Variants in ACIN1 observed in about 807,000 individuals in gnomAD.
ACIN1 encodes apoptotic chromatin condensation inducer 1.
Under a neutral mutation model 146.6 loss-of-function variants are expected in ACIN1, and 16 were observed. That is an observed-to-expected ratio of 0.11 (90% CI 0.07 to 0.17). The LOEUF is 0.17. Ranked by LOEUF, ACIN1 falls within the 10% of genes least tolerant of loss-of-function variation. The probability of loss-of-function intolerance (pLI) is 1.00; values close to 1 mark genes in which losing one functional copy is unlikely to be tolerated. For missense variants in ACIN1, 1,357 were observed against 1,609.3 expected, an observed-to-expected ratio of 0.84 and a Z score of 2.68; for synonymous variants, 569 against 582.7, an observed-to-expected ratio of 0.98 and a Z score of 0.34.
intron 4 of ACIN1, among the ~76,000 whole-genome samples, chr14:23,089,515 T>C (rs1050442458): frequency 6.6e-6 from 1 of 152,238 alleles, no homozygotes; most frequent in African/African-American, 2.4e-5. Context: ...ATGTCCTCAC[T>C]AGACTAAGTT....
intron 8 of ACIN1, chr14:23,071,105 T>C (rs2047632599): frequency 2.6e-6 from 4 of 1,550,852 alleles, no homozygotes; most frequent in South Asian, 1.2e-5. Flanking sequence ...AAGGCATACA[T>C]GGAAATGTGA....
intron 14 of ACIN1, 40 bp downstream of exon 14, chr14:23,062,889 A>G (rs1476840367): frequency 1.9e-6 from 3 of 1,569,802 alleles, no homozygotes; most frequent in Non-Finnish European, 1.7e-6. Flanking sequence ...CTCAAACTTA[A>G]CCACTAAGCA....
chr14:23,063,149 C>T lies in ACIN1; in HGVS notation c.2738-75G>A, dbSNP rs114171032. 1,825 of 1,460,194 alleles carry T rather than the reference C, an allele frequency of 1.2e-3. 15 individuals are homozygous for T. The African/African-American group carries it at 0.022, about 18-fold the overall frequency. The allele number at this position is 1,460,194 out of a possible 1,614,324, so 90.5% of individuals were successfully genotyped here. A position where few individuals can be genotyped will look rare whatever the true frequency, so the allele number is the denominator to read the frequency against. On this transcript the variant is annotated intron_variant, in intron 13 of 18. Transcript: ENST00000605057. ...CTTTTCACCCTCAATGTAACTCTCA[C>T]GGTTCCCTTTCTTTTATACCAAGCA... is the stretch of plus-strand genomic sequence containing the variant.
At chr14:23,064,728 C>A in intron 10 of ACIN1, 1 of 456,672 alleles carries the variant, frequency 2.2e-6, no homozygotes, top group South Asian at 2.7e-5. Flanking sequence ...GAAACCCCAT[C>A]TCTACTAAAA....
chr14:23,081,663 C>A, intron 5 of ACIN1, 85 bp downstream of exon 5: 2 of 1,177,752 alleles, frequency 1.7e-6, no homozygotes, highest in Non-Finnish European at 2.4e-6. Flanking sequence ...AATGTAGAGA[C>A]ATACAAACTC....
At position 23,079,036 on chromosome 14, in the gene ACIN1, A is replaced by C. The variant is rs749152547; in HGVS notation, c.1791T>G (p.Ser597=). 1 of 1,612,478 alleles carries C rather than the reference A, an allele frequency of 6.2e-7. No homozygotes were observed. Among genetic ancestry groups the C allele is most frequent in the East Asian group, 2.2e-5 (1 of 44,844 alleles). The part of the protein sequence containing the change: ...SRSASSNSRK[S]LSPGVSRDSS... ...TGTCCCTGGAGACTCCAGGGCTCAG[A>C]GACTAAAACAAAATGAAACACATAA... Residue 597 remains serine (S), a splice_region_variant and synonymous_variant, in exon 7 of 19, where the codon TCT becomes TCG. Transcript: ENST00000605057.
At chr14:23,084,079 TG>T (rs1013113126) in intron 4 of ACIN1, among the ~76,000 whole-genome samples, 1 of 151,922 alleles carries the variant, frequency 6.6e-6, no homozygotes, top group Non-Finnish European at 1.5e-5. Flanking sequence ...CCTGAGTAAC[TG>T]GGACTACAGG....
At chr14:23,087,911 T>G (rs1020562728) in intron 4 of ACIN1, among the ~76,000 whole-genome samples, 2 of 152,210 alleles carry the variant, frequency 1.3e-5, no homozygotes, top group African/African-American at 4.8e-5. Flanking sequence ...TCTTCTTGTA[T>G]CCTCTCTGCC....
Position 23,061,067 on chromosome 14 carries a change from CGAAG to C in ACIN1, c.3525+13_3525+16del. 6.2e-7 allele frequency: 1 copy of C among 1,612,100 alleles called. No individual in the cohort carries two copies. ...CTCAGTGCCACTAGGGAGCAGGGCA[CGAAG>C]AAGAGCACTCACCTGGCTGTCAGTC... On this transcript the variant is annotated intron_variant, in intron 18 of 18. Transcript: ENST00000605057.
rs1321599693 is a variant in ACIN1 at position 23,087,311 on chromosome 14, T to C, written c.436+2671A>G. 2.6e-5 allele frequency among the ~76,000 whole-genome samples: 4 copies of C among 152,198 alleles called. No homozygotes were observed. In the East Asian group the frequency reaches 5.8e-4, roughly 22 times the overall value. ...ACTAAATTTTGTACAACATCTATAA[T>C]GGGATTCTTATCTAAGCCAAGATCA... On this transcript the variant is annotated intron_variant, in intron 4 of 18. Coordinates refer to ENST00000605057, the MANE Select transcript of ACIN1 (RefSeq NM_001386863.1).
Position 23,067,865 on chromosome 14 carries a change from TG to T in ACIN1, c.2265+1610del. 1 of 985,802 alleles carries T rather than the reference TG, an allele frequency of 1.0e-6. No individual in the cohort carries two copies. Among genetic ancestry groups the T allele is most frequent in the South Asian group, 4.7e-5 (1 of 21,276 alleles). 61.1% of individuals were successfully genotyped at this position (985,802 alleles called of 1,614,324 possible). ...CATGGAGCCTCTGATGAAGGTAGCC[TG>T]GGGGTAGGTGAATACCCCAGGACCT... On this transcript the variant is annotated intron_variant, in intron 9 of 18. Transcript: ENST00000605057. The surrounding 1 kb of genome is among the most constrained non-coding windows in gnomAD (Gnocchi z 4.6).
At chr14:23,071,527 G>C (rs538181171) in intron 8 of ACIN1, 6 of 1,551,286 alleles carry the variant, frequency 3.9e-6, no homozygotes, top group South Asian at 1.2e-5. Flanking sequence ...GAGCGGCAGC[G>C]ATCAGCCGGA....
chr14:23,067,511 G>GGGGGGC lies in ACIN1; in HGVS notation c.2266-1504_2266-1503insGCCCCC. ...CCAGGGGCGCAGGGGGGGCGGGAGG[G>GGGGGGC]AAACGTGTGGGGGGACGCTGCCCAG... On this transcript the variant is annotated intron_variant, in intron 9 of 18. Transcript: ENST00000605057. The surrounding 1 kb of genome is among the most constrained non-coding windows in gnomAD (Gnocchi z 4.6). 1 of 221,752 alleles carries GGGGGGC rather than the reference G, an allele frequency of 4.5e-6. No homozygotes were observed. Among genetic ancestry groups the GGGGGGC allele is most frequent in the Non-Finnish European group, 7.3e-6 (1 of 137,288 alleles). The allele number at this position is 221,752 out of a possible 1,614,324, so 13.7% of individuals were successfully genotyped here.
chr14:23,063,916 C>T lies in ACIN1; in HGVS notation c.2595+189G>A, dbSNP rs1219232678. Among the ~76,000 whole-genome samples the T allele has an allele frequency of 2.0e-5, 3 of 152,164 alleles. No homozygotes were observed. In the East Asian group the frequency reaches 5.8e-4, roughly 29 times the overall value. ...GTGAATGAACTCGTGTGGTTGTGTT[C>T]CAATCAAACTTTATTTGTAACAGGT... On this transcript the variant is annotated intron_variant, in intron 12 of 18. Transcript: ENST00000605057.
intron 4 of ACIN1, among the ~76,000 whole-genome samples, chr14:23,087,417 T>C (rs2048115581): frequency 2.0e-5 from 3 of 151,858 alleles, no homozygotes; most frequent in Admixed American, 1.3e-4. Context: ...TTTACCACAT[T>C]CATATTTTCC....
At position 23,058,979 on chromosome 14, in the gene ACIN1, GGT is replaced by G. The variant is rs2047180061; in HGVS notation, c.*167_*168del. 1 of 635,934 alleles carries G rather than the reference GGT, an allele frequency of 1.6e-6. No homozygotes were observed. Among genetic ancestry groups the G allele is most frequent in the African/African-American group, 1.8e-5 (1 of 54,492 alleles). The allele number at this position is 635,934 out of a possible 1,614,324, so 39.4% of individuals were successfully genotyped here. The stretch of plus-strand genomic sequence containing the variant: ...TAAGTCCCAAGAGATAGGTTAAGGG[GGT>G]GTGTTTGGGGGGAAAAGGATGGCCA... On this transcript the variant is annotated 3_prime_UTR_variant, in exon 19 of 19. Transcript: ENST00000605057.
intron 7 of ACIN1, among the ~76,000 whole-genome samples, 171 bp downstream of exon 7, chr14:23,078,649 G>C (rs1030243116): frequency 6.6e-6 from 1 of 152,164 alleles, no homozygotes; most frequent in African/African-American, 2.4e-5. Context: ...GCCTCATGTA[G>C]AACTTCTACG....
At chr14:23,073,861 C>T (rs1275761911) in intron 8 of ACIN1, among the ~76,000 whole-genome samples, 11 of 135,854 alleles carry the variant, frequency 8.1e-5, no homozygotes, top group South Asian at 2.3e-4. Context: ...TTTTTTGAGA[C>T]GGAGTCTCAC....
At chr14:23,063,227 C>CT in intron 13 of ACIN1, 153 bp from the exon 14 acceptor site, 1 of 1,107,096 alleles carries the variant, frequency 9.0e-7, no homozygotes, top group Non-Finnish European at 1.3e-6. Context: ...AAGTACTGTG[C>CT]TAGGCTAACC....
Sources: allele counts gnomAD v4.1 joint callset (sites outside exome capture counted in the v4.1 genomes callset), GRCh38; gene constraint gnomAD v4.1.1; non-coding constraint Gnocchi (gnomAD v3.1); transcripts MANE v1.5; gene names NCBI Gene and HGNC (gene_info 2026-07-23, HGNC 2026-07-21).